CENPF: variants seen among roughly 807,000 people sequenced by gnomAD.
CENPF encodes the protein AH antigen.
Under a neutral mutation model 307.3 loss-of-function variants are expected in CENPF, and 214 were observed. The ratio of observed to expected loss-of-function variants is 0.70; its 90% CI spans 0.62 to 0.78. The LOEUF (loss-of-function observed/expected upper bound fraction) is 0.78. Among genes scored for constraint, CENPF ranks in the 30% least tolerant of loss-of-function variants. The pLI, the probability that CENPF is intolerant of heterozygous loss-of-function variation, is 0.00. For missense variants in CENPF, 3,401 were observed against 3,483.9 expected (o/e 0.98, Z 0.60); for synonymous variants, 1,259 against 1,270.6 (o/e 0.99, Z 0.19).
intron 7 of CENPF, among the ~76,000 whole-genome samples, chr1:214,626,496 G>T (rs1657659332): frequency 6.6e-6 from 1 of 152,132 alleles, no homozygotes. Flanking sequence ...ATATATAAAG[G>T]AACAATGGTG....
In CENPF at chr1:214,663,878, G is replaced by A. The variant is rs1020668977; in HGVS notation, c.*84G>A. ...GCCTACAGGACTTCTCTTTAGTCAGGGCATGCTTTATTAGTGAGGAGAAAA... is the reference window on the plus strand; with the variant it reads ...GCCTACAGGACTTCTCTTTAGTCAGAGCATGCTTTATTAGTGAGGAGAAAA... On this transcript the variant is annotated 3_prime_UTR_variant, in exon 20 of 20. Transcript: ENST00000366955. The A allele has an allele frequency of 7.5e-5, 80 of 1,072,312 alleles. No individual in the cohort carries two copies. Among genetic ancestry groups the A allele is most frequent in the Non-Finnish European group, 1.0e-4 (74 of 737,754 alleles). 66.4% of individuals were successfully genotyped at this position (1,072,312 alleles called of 1,614,324 possible).
In CENPF at chr1:214,640,634, C is replaced by G; in HGVS notation, c.2296C>G (p.Leu766Val). ...LHAEYESLRD[L>V]LKSKDASLVT... is the part of the protein sequence containing the mutation. ...TGCCGAATATGAGAGCCTCAGGGATCTGCTAAAATCCAAAGATGCTTCTCT... is the reference window on the plus strand; with the variant it reads ...TGCCGAATATGAGAGCCTCAGGGATGTGCTAAAATCCAAAGATGCTTCTCT... Residue 766 changes from leucine to valine, a missense_variant, in exon 12 of 20, where the codon CTG becomes GTG. Leu to Val is a conservative substitution (Grantham distance 32). Coordinates refer to ENST00000366955, the MANE Select transcript of CENPF (RefSeq NM_016343.4). 1 of 1,614,152 alleles carries G rather than the reference C, an allele frequency of 6.2e-7. No homozygotes were observed. Among genetic ancestry groups the G allele is most frequent in the Non-Finnish European group, 8.5e-7 (1 of 1,180,012 alleles).
intron 1 of CENPF, among the ~76,000 whole-genome samples, chr1:214,604,635 G>T (rs1329579622): frequency 6.6e-6 from 1 of 152,132 alleles, no homozygotes; most frequent in Non-Finnish European, 1.5e-5. Flanking sequence ...TTGATGTAAT[G>T]ATTTCAGTTG....
At chr1:214,603,541 G>C (rs950477504) in intron 1 of CENPF, 2 of 152,200 alleles carry the variant, frequency 1.3e-5, no homozygotes, top group Non-Finnish European at 2.9e-5. Context: ...GCGCCCTTCT[G>C]CTCGGGTTCA....
chr1:214,608,715 C>A, intron 1 of CENPF: 1 of 1,595,690 alleles, frequency 6.3e-7, no homozygotes. Context: ...CAGGCCCCGG[C>A]TCGGGCTCAG....
rs140870603 is a variant in CENPF at position 214,634,777 on chromosome 1, A to G, written c.1446+2175A>G. ...TCATATTTATAATTTTGCCTGTTCT[A>G]TTACTGTGTCACTCTGGGTATCTTT... On this transcript the variant is annotated intron_variant, in intron 10 of 19. Transcript: ENST00000366955. 1.4e-3 allele frequency among the ~76,000 whole-genome samples: 210 copies of G among 152,292 alleles called. 2 individuals are homozygous for G. The highest frequency in any genetic ancestry group is 4.9e-3 in the African/African-American group (203 of 41,548).
chr1:214,657,409 G>A lies in CENPF; in HGVS notation c.8962G>A (p.Gly2988Arg). The A allele has an allele frequency of 6.3e-7, 1 of 1,586,364 alleles. No individual in the cohort carries two copies. The highest frequency in any genetic ancestry group is 1.7e-5 in the Admixed American group (1 of 58,540). The change falls in exon 18 of 20, where the codon GGG becomes AGG. Residue 2988 changes from glycine to arginine, a missense_variant and splice_region_variant. Coordinates refer to ENST00000366955, the MANE Select transcript of CENPF (RefSeq NM_016343.4). Reference protein sequence around the residue: ...PEGLPEVVKKGFADIPTGKTS... With the variant: ...PEGLPEVVKKRFADIPTGKTS... ...GGGACTTCCAGAAGTTGTAAAGAAAGGTATGCCTAATTTAAAGACAAAATT... is the reference window on the plus strand; with the variant it reads ...GGGACTTCCAGAAGTTGTAAAGAAAAGTATGCCTAATTTAAAGACAAAATT...
At position 214,646,523 on chromosome 1, in the gene CENPF, T is replaced by C. The variant is rs1658308242; in HGVS notation, c.6953T>C (p.Leu2318Pro). 6.2e-7 allele frequency: 1 copy of C among 1,614,142 alleles called. No homozygotes were observed. The highest frequency in any genetic ancestry group is 8.5e-7 in the Non-Finnish European group (1 of 1,180,038). ...CTAGAAGCTGATGAAAAGAAGCAGC[T>C]CTGTGTCTTACAACAACTGAAGGAA... ...ARLEADEKKQ[L>P]CVLQQLKESE... The change falls in exon 13 of 20, where the codon CTC becomes CCC. Residue 2318 changes from leucine to proline, a missense_variant. By Grantham distance (98) the Leu-to-Pro change is moderately conservative (BLOSUM62 -3). Transcript: ENST00000366955.
chr1:214,647,352 G>A lies in CENPF; in HGVS notation c.7782G>A (p.Glu2594=). Residue 2594 remains glutamate (E), a synonymous_variant, in exon 13 of 20, where the codon GAG becomes GAA. Coordinates refer to ENST00000366955, the MANE Select transcript of CENPF (RefSeq NM_016343.4). ...EVLQSSYKNL[E]NELELTKMDK... ...TGCAGAGTTCTTACAAGAATCTAGAGAATGAGCTTGAATTGACAAAAATGG... is the reference window on the plus strand; with the variant it reads ...TGCAGAGTTCTTACAAGAATCTAGAAAATGAGCTTGAATTGACAAAAATGG... The A allele has an allele frequency of 6.2e-7, 1 of 1,610,720 alleles. No individual in the cohort carries two copies. Among genetic ancestry groups the A allele is most frequent in the Non-Finnish European group, 8.5e-7 (1 of 1,178,416 alleles).
At chr1:214,633,405 A>G (rs1313996470) in intron 10 of CENPF, among the ~76,000 whole-genome samples, 3 of 152,252 alleles carry the variant, frequency 2.0e-5, no homozygotes, top group Non-Finnish European at 4.4e-5. Context: ...AGAGAGCCAT[A>G]AATCAACATT....
At chr1:214,616,947 C>CCCTT (rs1210001741) in intron 3 of CENPF, among the ~76,000 whole-genome samples, 2 of 118,726 alleles carry the variant, frequency 1.7e-5, no homozygotes, top group Non-Finnish European at 3.4e-5. Flanking sequence ...CTCCCTCCCT[C>CCCTT]CCTTCCTTCC....
intron 3 of CENPF, among the ~76,000 whole-genome samples, chr1:214,615,858 G>A (rs1332135457): frequency 6.6e-6 from 1 of 152,074 alleles, no homozygotes; most frequent in African/African-American, 2.4e-5. Context: ...AGAATCGCTT[G>A]AACCTGGGAG....
chr1:214,656,903 G>A (rs764838085), intron 17 of CENPF, 30 bp from the exon 18 acceptor site: 1 of 1,363,588 alleles, frequency 7.3e-7, no homozygotes, highest in East Asian at 2.3e-5. Flanking sequence ...GCATCAAGTT[G>A]CACATGATGT....
rs534505341 is a variant in CENPF, at chr1:214,648,835, T to G, written c.7983+8T>G. On this transcript the variant is annotated splice_region_variant and intron_variant, in intron 14 of 19. Transcript: ENST00000366955. ...GAAATAAAGAGCAGCAAAGTAAGTT[T>G]CTTTGTGACAAGTGTTATTATGATC... is the stretch of plus-strand genomic sequence containing the variant. 111 of 1,612,834 alleles carry G rather than the reference T, an allele frequency of 6.9e-5. No individual in the cohort carries two copies. The South Asian group carries it at 1.1e-3, about 16-fold the overall frequency.
chr1:214,637,166 C>A (rs548224169), intron 10 of CENPF, among the ~76,000 whole-genome samples: 2 of 152,312 alleles, frequency 1.3e-5, no homozygotes, highest in East Asian at 3.9e-4. Context: ...TTAATTCTTC[C>A]TCTGTGTTCC....
intron 9 of CENPF, among the ~76,000 whole-genome samples, chr1:214,632,146 G>A (rs182980083): frequency 1.3e-5 from 2 of 152,108 alleles, no homozygotes; most frequent in Admixed American, 1.3e-4. Context: ...TATTGAAAAT[G>A]TGTTCTCTTA....
At position 214,642,141 on chromosome 1, in the gene CENPF, C is replaced by G. The variant is rs116055478; in HGVS notation, c.3803C>G (p.Ala1268Gly). 6.3e-4 allele frequency: 1,018 copies of G among 1,613,676 alleles called. 8 individuals are homozygous for G. In the African/African-American group the frequency reaches 0.012, roughly 20 times the overall value. ...GGCCTTAAAGACTGTGAAATAGATG[C>G]GGAAGAAAAGTATATTTCAGGGCCT... is the stretch of plus-strand genomic sequence containing the variant. ...ISGLKDCEIDAEEKYISGPHE... is the reference protein window; with the variant it reads ...ISGLKDCEIDGEEKYISGPHE... The change falls in exon 12 of 20, where the codon GCG becomes GGG. Residue 1268 changes from alanine to glycine, a missense_variant. Ala to Gly is a moderately conservative substitution (Grantham distance 60). Transcript: ENST00000366955.
chr1:214,663,376 A>G (rs1475285112), intron 19 of CENPF, among the ~76,000 whole-genome samples: 2 of 152,202 alleles, frequency 1.3e-5, no homozygotes, highest in Non-Finnish European at 2.9e-5. Context: ...AGAGGTGCCA[A>G]GGGACGTCTG....
At chr1:214,655,099 T>C (rs1273500609) in intron 16 of CENPF, 142 bp from the exon 17 acceptor site, 5 of 524,852 alleles carry the variant, frequency 9.5e-6, no homozygotes, top group Non-Finnish European at 1.6e-5. Flanking sequence ...ACGTGAATGG[T>C]TTTGTGCATC....
Sources: allele counts gnomAD v4.1 joint callset (sites outside exome capture counted in the v4.1 genomes callset), GRCh38; gene constraint gnomAD v4.1.1; transcripts MANE v1.5; gene names NCBI Gene and HGNC (gene_info 2026-07-23, HGNC 2026-07-21).